Variants in HPS3 observed in about 807,000 individuals in gnomAD.
HPS3 encodes BLOC-2 complex member HPS3.
HPS3 carries 79 observed loss-of-function variants against 110.9 expected under a neutral mutation model. The observed-to-expected ratio is 0.71, with a 90% CI of 0.59 to 0.86. The LOEUF (loss-of-function observed/expected upper bound fraction) is 0.86, where lower values mean the gene tolerates loss of function less well. Ranked by LOEUF, HPS3 falls within the 40% of genes least tolerant of loss-of-function variation. The pLI is 0.00. For missense variants in HPS3, 1,197 were observed against 1,206.2 expected (o/e 0.99, Z 0.11); for synonymous variants, 428 against 451.0 (o/e 0.95, Z 0.65).
intron 14 of HPS3, 50 bp downstream of exon 14, chr3:149,163,999 T>G: frequency 4.2e-6 from 4 of 962,848 alleles, no homozygotes; most frequent in Non-Finnish European, 6.7e-6. Flanking sequence ...TACAATATAG[T>G]GTAAGATTAA....
chr3:149,152,313 G>A (rs1046664453), intron 6 of HPS3, among the ~76,000 whole-genome samples: 4 of 152,114 alleles, frequency 2.6e-5, no homozygotes, highest in Non-Finnish European at 5.9e-5. Flanking sequence ...GTAATTTAAA[G>A]TACCTAATAG....
At chr3:149,162,361 C>G (rs1239266122) in intron 12 of HPS3, 28 bp downstream of exon 12, 2 of 1,598,158 alleles carry the variant, frequency 1.3e-6, no homozygotes, top group Admixed American at 3.3e-5. Flanking sequence ...TGTGATTTTT[C>G]TGGATGGCCT....
At chr3:149,165,905 A>C in intron 14 of HPS3, 1 of 424,388 alleles carries the variant, frequency 2.4e-6, no homozygotes, top group Non-Finnish European at 4.7e-6. Flanking sequence ...AATTATTCAC[A>C]TGAATAATTT....
At chr3:149,161,594 C>T (rs894106373) in intron 11 of HPS3, among the ~76,000 whole-genome samples, 10 of 150,560 alleles carry the variant, frequency 6.6e-5, no homozygotes, top group Admixed American at 1.3e-4. Flanking sequence ...ACTGCAACCT[C>T]CACCTCCCAG....
intron 16 of HPS3, chr3:149,170,413 A>G (rs1437158687): frequency 6.6e-6 from 1 of 152,240 alleles, no homozygotes; most frequent in African/African-American, 2.4e-5. Flanking sequence ...CAAGCTAGTT[A>G]GTAGTTGCTG....
chr3:149,158,663 T>C lies in HPS3; in HGVS notation c.1692-3T>C, dbSNP rs1363465651. 1.9e-6 allele frequency: 3 copies of C among 1,613,240 alleles called. No individual in the cohort carries two copies. The highest frequency in any genetic ancestry group is 2.5e-6 in the Non-Finnish European group (3 of 1,179,308). On this transcript the variant is annotated splice_polypyrimidine_tract_variant and splice_region_variant and intron_variant, in intron 9 of 16. Transcript: ENST00000296051. Reference sequence around the variant, plus strand: ...TTGAGGTTTTTCATTTCCTTCCCTTTAGGCTTGACTCCCAGCATTCTCATC... The same window carrying C: ...TTGAGGTTTTTCATTTCCTTCCCTTCAGGCTTGACTCCCAGCATTCTCATC...
chr3:149,139,958 G>A, intron 1 of HPS3, 46 bp from the exon 2 acceptor site: 1 of 1,557,200 alleles, frequency 6.4e-7, no homozygotes, highest in Non-Finnish European at 8.8e-7. Context: ...GGAGGTGGTT[G>A]TATTTCTAAT....
intron 1 of HPS3, among the ~76,000 whole-genome samples, chr3:149,139,494 T>G (rs9823253): frequency 0.17 from 26,505 of 152,218 alleles, 3,003 homozygotes; most frequent in East Asian, 0.29. Context: ...AAGTTAAAAC[T>G]TATACAATCA....
rs373528935 is a variant in HPS3, at chr3:149,158,654, C to A, written c.1692-12C>A. Reference sequence around the variant, plus strand: ...GTGACAAATTTGAGGTTTTTCATTTCCTTCCCTTTAGGCTTGACTCCCAGC... The same window carrying A: ...GTGACAAATTTGAGGTTTTTCATTTACTTCCCTTTAGGCTTGACTCCCAGC... On this transcript the variant is annotated splice_polypyrimidine_tract_variant and intron_variant, in intron 9 of 16. Coordinates refer to ENST00000296051, the MANE Select transcript of HPS3 (RefSeq NM_032383.5). 1.2e-6 allele frequency: 2 copies of A among 1,612,394 alleles called. No homozygotes were observed. The highest frequency in any genetic ancestry group is 2.7e-5 in the African/African-American group (2 of 74,812).
chr3:149,162,527 G>C (rs1240145836), intron 12 of HPS3, 163 bp from the exon 13 acceptor site: 1 of 951,896 alleles, frequency 1.1e-6, no homozygotes, highest in Admixed American at 2.0e-5. Flanking sequence ...CCTAGAATCT[G>C]TTTCCTTTTA....
At chr3:149,131,476 C>T (rs2331536) in intron 1 of HPS3, among the ~76,000 whole-genome samples, 55,001 of 151,920 alleles carry the variant, frequency 0.36, 10,670 homozygotes, top group African/African-American at 0.51. Flanking sequence ...GTATCTATTA[C>T]GGTGATCAGC....
At position 149,141,421 on chromosome 3, in the gene HPS3, G is replaced by A. The variant is rs1187187999; in HGVS notation, c.970+41G>A. On this transcript the variant is annotated intron_variant, in intron 4 of 16. Transcript: ENST00000296051. Reference sequence around the variant, plus strand: ...CAGGAGTGCGACAGTGCAGCAAGGTGAAAATGCTCTGTCTGGGCTGGGAGT... The same window carrying A: ...CAGGAGTGCGACAGTGCAGCAAGGTAAAAATGCTCTGTCTGGGCTGGGAGT... The A allele has an allele frequency of 2.7e-6, 4 of 1,501,896 alleles. No homozygotes were observed. In the Admixed American group the frequency reaches 6.7e-5, roughly 25 times the overall value. The allele number at this position is 1,501,896 out of a possible 1,614,324, so 93.0% of individuals were successfully genotyped here.
intron 15 of HPS3, among the ~76,000 whole-genome samples, chr3:149,167,632 G>A (rs1490526775): frequency 6.6e-6 from 1 of 151,996 alleles, no homozygotes; most frequent in African/African-American, 2.4e-5. Flanking sequence ...AACGGGATAT[G>A]TCTGTTACTT....
intron 10 of HPS3, among the ~76,000 whole-genome samples, chr3:149,159,100 C>G (rs1231070297): frequency 6.6e-6 from 1 of 152,170 alleles, no homozygotes; most frequent in Non-Finnish European, 1.5e-5. Flanking sequence ...TCAACACCTG[C>G]CCAGTGACAG....
intron 16 of HPS3, among the ~76,000 whole-genome samples, chr3:149,171,243 A>T (rs1245330980): frequency 6.6e-6 from 1 of 151,952 alleles, no homozygotes; most frequent in African/African-American, 2.4e-5. Flanking sequence ...GCACCACTGC[A>T]CTCCAGCATG....
At chr3:149,151,953 G>A (rs1025102323) in intron 6 of HPS3, among the ~76,000 whole-genome samples, 7 of 152,052 alleles carry the variant, frequency 4.6e-5, no homozygotes, top group African/African-American at 1.2e-4. Context: ...ACTCTTTCAC[G>A]GTCACTGTCA....
At chr3:149,149,197 T>C (rs1362837146) in intron 5 of HPS3, among the ~76,000 whole-genome samples, 2 of 150,594 alleles carry the variant, frequency 1.3e-5, no homozygotes, top group East Asian at 3.9e-4. Flanking sequence ...TCTCCTGACC[T>C]CATGATCCGC....
chr3:149,172,392 C>T lies in HPS3; in HGVS notation c.*170C>T, dbSNP rs182666670. The T allele has an allele frequency of 9.1e-3, 5,322 of 583,256 alleles. 39 individuals carry two copies. Among genetic ancestry groups the T allele is most frequent in the Non-Finnish European group, 0.013 (4,202 of 324,720 alleles). 36.1% of individuals were successfully genotyped at this position (583,256 alleles called of 1,614,324 possible). On this transcript the variant is annotated 3_prime_UTR_variant, in exon 17 of 17. Coordinates refer to ENST00000296051, the MANE Select transcript of HPS3 (RefSeq NM_032383.5). ...AAATGCTTTCAGGCTGCTTACCTTA[C>T]CGTGTAGTGGTAACTATTCACTTCT...
chr3:149,162,535 T>C (rs756851210), intron 12 of HPS3, 155 bp from the exon 13 acceptor site: 1 of 990,534 alleles, frequency 1.0e-6, no homozygotes, highest in South Asian at 1.4e-5. Flanking sequence ...CTGTTTCCTT[T>C]TAAAAATGTC....
Sources: allele counts gnomAD v4.1 joint callset (sites outside exome capture counted in the v4.1 genomes callset), GRCh38; gene constraint gnomAD v4.1.1; transcripts MANE v1.5; gene names NCBI Gene and HGNC (gene_info 2026-07-23, HGNC 2026-07-21).